The following KLHL32 variants were observed in gnomAD, a reference collection of about 807,000 sequenced individuals.
KLHL32 encodes kelch-like protein 32.
A neutral mutation model predicts 64.8 loss-of-function variants in KLHL32; 35 were observed. The ratio of observed to expected loss-of-function variants is 0.54; its 90% confidence interval spans 0.41 to 0.72. KLHL32 has a LOEUF of 0.72. Ranked by LOEUF, KLHL32 falls within the 30% of genes least tolerant of loss-of-function variation. KLHL32 has a pLI of 0.00. For synonymous variants in KLHL32, 259 were observed against 281.0 expected (o/e 0.92, Z 0.78); for missense variants, 589 against 768.5 (o/e 0.77, Z 2.76).
chr6:97,014,967 G>A, intron 3 of KLHL32, among the ~76,000 whole-genome samples: 1 of 152,180 alleles, frequency 6.6e-6, no homozygotes, highest in Non-Finnish European at 1.5e-5. Flanking sequence ...AATCATGGCG[G>A]TGGTTTCCCC....
chr6:97,117,025 G>A (rs1797869930), intron 7 of KLHL32, among the ~76,000 whole-genome samples: 2 of 152,148 alleles, frequency 1.3e-5, no homozygotes, highest in South Asian at 4.1e-4. Context: ...TAATTGGAAA[G>A]AAGAGGAAAT....
At chr6:97,067,799 C>A (rs910126680) in intron 5 of KLHL32, among the ~76,000 whole-genome samples, 1 of 152,188 alleles carries the variant, frequency 6.6e-6, no homozygotes. Flanking sequence ...TTAGCCTCAT[C>A]TTCAAGGCCA....
At chr6:97,134,501 T>A (rs895702724) in intron 10 of KLHL32, among the ~76,000 whole-genome samples, 1 of 152,176 alleles carries the variant, frequency 6.6e-6, no homozygotes, top group Non-Finnish European at 1.5e-5. Context: ...TTTTTGCTTT[T>A]CAGAATTGGT....
At chr6:96,925,553 A>T (rs778643638) in intron 1 of KLHL32, among the ~76,000 whole-genome samples, 5 of 152,224 alleles carry the variant, frequency 3.3e-5, no homozygotes, top group Non-Finnish European at 7.3e-5. Flanking sequence ...TTATAAAGAA[A>T]GATGACTGCA....
the KLHL32 span, among the ~76,000 whole-genome samples, chr6:96,912,242 C>T: frequency 6.6e-6 from 1 of 152,154 alleles, no homozygotes; most frequent in Non-Finnish European, 1.5e-5. Context: ...TCCTGGATTT[C>T]ACCCTCCTCA....
chr6:96,976,386 G>T (rs568365398), intron 3 of KLHL32, among the ~76,000 whole-genome samples: 2 of 152,164 alleles, frequency 1.3e-5, no homozygotes, highest in South Asian at 4.2e-4. Flanking sequence ...ATGTAGAACA[G>T]ACCTCCCTTG....
intron 1 of KLHL32, among the ~76,000 whole-genome samples, chr6:96,948,903 C>G (rs1462754270): frequency 6.6e-6 from 1 of 152,182 alleles, no homozygotes; most frequent in Non-Finnish European, 1.5e-5. Context: ...AGTCATGTAG[C>G]AATTCAAACA....
rs750347441 is a variant in KLHL32, at chr6:97,130,837, T to A, written c.1494T>A (p.Val498=). ...SMAAVQRKLY[V]LGGNDLDYNN... is the part of the protein sequence containing the mutation. ...CTGCTGTACAAAGGAAGCTTTATGT[T>A]CTTGGAGGCAATGACCTAGACTACA... Residue 498 remains valine (V), a synonymous_variant, in exon 9 of 11, where the codon GTT becomes GTA. Transcript: ENST00000369261. 29 of 1,614,002 alleles carry A rather than the reference T, an allele frequency of 1.8e-5. No individual in the cohort carries two copies. In the East Asian group the frequency reaches 6.2e-4, roughly 35 times the overall value.
rs757914299 is a variant in KLHL32, at chr6:97,119,736, G to C, written c.1354+5227G>C. Among the ~76,000 whole-genome samples, 9 of 152,318 alleles carry C rather than the reference G, an allele frequency of 5.9e-5. No individual in the cohort carries two copies. The South Asian group carries it at 1.9e-3, about 32-fold the overall frequency. ...TTATCAGACAACTTTCCAATTAACA[G>C]TCTGGCTTCCTGTATACATTTAGGG... On this transcript the variant is annotated intron_variant, in intron 7 of 10. Transcript: ENST00000369261.
chr6:97,136,000 A>T (rs1280534171), intron 10 of KLHL32, among the ~76,000 whole-genome samples: 1 of 152,222 alleles, frequency 6.6e-6, no homozygotes, highest in African/African-American at 2.4e-5. Context: ...GTTGAGAAGT[A>T]CAGAAGCATA....
intron 2 of KLHL32, among the ~76,000 whole-genome samples, chr6:96,975,363 A>G (rs2128043063): frequency 1.3e-5 from 2 of 152,350 alleles, no homozygotes; most frequent in South Asian, 4.1e-4. Context: ...ATTTGTTTTC[A>G]TTTACAATGC....
chr6:97,075,656 C>A (rs1791484842), intron 5 of KLHL32, among the ~76,000 whole-genome samples: 1 of 152,164 alleles, frequency 6.6e-6, no homozygotes, highest in Admixed American at 6.6e-5. Context: ...TACCGCACAT[C>A]CACACCAGCC....
intron 6 of KLHL32, among the ~76,000 whole-genome samples, chr6:97,103,101 A>G (rs1795940243): frequency 6.6e-6 from 1 of 151,964 alleles, no homozygotes. Flanking sequence ...TATATAAATA[A>G]ACGTATATAA....
In KLHL32 at chr6:97,140,356, G is replaced by A. The variant is rs1800550294; in HGVS notation, c.*1074G>A. The A allele has an allele frequency of 6.6e-6, 1 of 152,044 alleles. No homozygotes were observed. Among genetic ancestry groups the A allele is most frequent in the South Asian group, 2.1e-4 (1 of 4,830 alleles). The allele number at this position is 152,044 out of a possible 1,614,324, so 9.4% of individuals were successfully genotyped here. The stretch of plus-strand genomic sequence containing the variant: ...CATAAATTTGAACCTAGAATTGGCA[G>A]TTCTAATAAAAGTTTTTCCACTTTG... On this transcript the variant is annotated 3_prime_UTR_variant, in exon 11 of 11. Transcript: ENST00000369261.
chr6:97,057,563 C>T (rs1788208285), intron 4 of KLHL32, among the ~76,000 whole-genome samples: 1 of 146,522 alleles, frequency 6.8e-6, no homozygotes, highest in Non-Finnish European at 1.5e-5. Flanking sequence ...CCCTCCCGCC[C>T]CCATTTCAAA....
intron 3 of KLHL32, among the ~76,000 whole-genome samples, chr6:96,981,776 AT>A (rs1347490490): frequency 6.6e-6 from 1 of 152,078 alleles, no homozygotes; most frequent in African/African-American, 2.4e-5. Flanking sequence ...TTTTTAAATA[AT>A]TTTTTGACTT....
rs558897407 is a variant in KLHL32 at position 97,075,962 on chromosome 6, C to T, written c.412-9164C>T. On this transcript the variant is annotated intron_variant, in intron 5 of 10. Coordinates refer to ENST00000369261, the MANE Select transcript of KLHL32 (RefSeq NM_052904.4). The stretch of plus-strand genomic sequence containing the variant: ...GCTCCCAGACTGTAGATTTGCACAG[C>T]GGGGTCTTGATAATCTGAATAAATT... Among the ~76,000 whole-genome samples the T allele has an allele frequency of 9.1e-4, 139 of 152,246 alleles. 2 individuals are homozygous for T. The highest frequency in any genetic ancestry group is 8.1e-3 in the South Asian group (39 of 4,826).
chr6:97,036,480 A>C (rs75211068), intron 3 of KLHL32, among the ~76,000 whole-genome samples: 1 of 152,228 alleles, frequency 6.6e-6, no homozygotes, highest in Non-Finnish European at 1.5e-5. Context: ...GAGCAGTTAC[A>C]TCTTTCAGAT....
chr6:97,077,551 C>T (rs1379603195), intron 5 of KLHL32, among the ~76,000 whole-genome samples: 1 of 152,118 alleles, frequency 6.6e-6, no homozygotes, highest in Non-Finnish European at 1.5e-5. Context: ...AGTCAGGCCT[C>T]ATGTATCTGG....
Sources: gnomAD v4.1 joint callset for allele counts (sites outside exome capture counted in the v4.1 genomes callset) on GRCh38, gnomAD v4.1.1 for gene constraint, MANE v1.5 for transcripts, NCBI Gene and HGNC (gene_info 2026-07-23, HGNC 2026-07-21) for gene names.